RNF207: variants seen among roughly 807,000 people sequenced by gnomAD.
RNF207 encodes the protein OTTHUMG00000001089.
RNF207 carries 72 observed loss-of-function variants against 79.0 expected under a neutral mutation model. That is an observed-to-expected ratio of 0.91 (90% CI 0.75 to 1.11). The LOEUF (loss-of-function observed/expected upper bound fraction) is 1.11. Among genes scored for constraint, RNF207 ranks in the 50% least tolerant of loss-of-function variants. The probability of loss-of-function intolerance (pLI) is 0.00; values close to 1 mark genes in which losing one functional copy is unlikely to be tolerated. For synonymous variants in RNF207, 348 were observed against 366.2 expected (o/e 0.95, Z 0.57); for missense variants, 936 against 855.8 (o/e 1.09, Z -1.17).
chr1:6,206,718 G>A lies in RNF207; in HGVS notation c.183G>A (p.Pro61=), dbSNP rs368728461. The A allele has an allele frequency of 4.9e-5, 78 of 1,600,938 alleles. No individual in the cohort carries two copies. In the African/African-American group the frequency reaches 9.2e-4, roughly 19 times the overall value. The part of the protein sequence containing the change: ...GRATDGRLTC[P]LCQHQTVLKG... ...CGACCGACGGCCGCCTCACCTGCCC[G>A]CTGTGCCAGTAAGTGTCCCAAAGTT... Residue 61 remains proline (P), a synonymous_variant, in exon 2 of 18, where the codon CCG becomes CCA. Coordinates refer to ENST00000377939, the MANE Select transcript of RNF207 (RefSeq NM_207396.3).
chr1:6,206,615 T>C lies in RNF207; in HGVS notation c.80T>C (p.Leu27Pro), dbSNP rs751372134. 6.2e-7 allele frequency: 1 copy of C among 1,607,608 alleles called. No homozygotes were observed. Among genetic ancestry groups the C allele is most frequent in the Admixed American group, 1.7e-5 (1 of 59,990 alleles). Reference sequence around the variant, plus strand: ...AGCATCCACCCGCTGGTGTGCCCGCTGTGCCACGTGCAGTACGAGCGCCCG... The same window carrying C: ...AGCATCCACCCGCTGGTGTGCCCGCCGTGCCACGTGCAGTACGAGCGCCCG... ...APSIHPLVCP[L>P]CHVQYERPCL... is the part of the protein sequence containing the mutation. The change falls in exon 2 of 18, where the codon CTG (leucine) becomes CCG (proline). Residue 27 changes from leucine to proline, a missense_variant. By Grantham distance (98) the Leu-to-Pro change is moderately conservative. Coordinates refer to ENST00000377939, the MANE Select transcript of RNF207 (RefSeq NM_207396.3).
intron 7 of RNF207, among the ~76,000 whole-genome samples, 169 bp from the exon 8 acceptor site, chr1:6,209,755 G>C (rs1668079969): frequency 6.6e-6 from 1 of 152,134 alleles, no homozygotes. Context: ...CTGGGGAGGT[G>C]ACATTTAAGG....
intron 14 of RNF207, 98 bp from the exon 15 acceptor site, chr1:6,212,584 T>G (rs1398811364): frequency 1.6e-6 from 2 of 1,287,654 alleles, no homozygotes; most frequent in African/African-American, 2.9e-5. Flanking sequence ...TGGACCTGGC[T>G]GGGGGGTGCT....
Position 6,207,749 on chromosome 1 carries a change from C to T in RNF207, c.324+238C>T. On this transcript the variant is annotated intron_variant, in intron 3 of 17. Transcript: ENST00000377939. The surrounding 1 kb of genome is among the most constrained non-coding windows in gnomAD (Gnocchi z 4.5). ...GTGGCAGAGGCTAAGGCCATTCGAT[C>T]TGGGGAGAGCTCACTGGTCCCCAAT... The T allele has an allele frequency of 1.5e-6, 1 of 681,498 alleles. No homozygotes were observed. 42.2% of individuals were successfully genotyped at this position (681,498 alleles called of 1,614,324 possible). A position where few individuals can be genotyped will look rare whatever the true frequency, so the allele number is the denominator to read the frequency against.
Position 6,206,687 on chromosome 1 carries a change from G to T in RNF207, c.152G>T (p.Gly51Val). 2 of 1,604,242 alleles carry T rather than the reference G, an allele frequency of 1.2e-6. No homozygotes were observed. The change falls in exon 2 of 18, where the codon GGC becomes GTC. Residue 51 changes from glycine (G) to valine (V), a missense_variant. Physicochemically the swap from Gly to Val is moderately radical, Grantham distance 109. Coordinates refer to ENST00000377939, the MANE Select transcript of RNF207 (RefSeq NM_207396.3). ...GACTTCTGTGCCGGCTGCCTGCGTG[G>T]CCGCGCGACCGACGGCCGCCTCACC... ...FHDFCAGCLRGRATDGRLTCP... is the reference protein window; with the variant it reads ...FHDFCAGCLRVRATDGRLTCP...
At chr1:6,213,589 G>A (rs899789728) in intron 16 of RNF207, among the ~76,000 whole-genome samples, 5 of 152,066 alleles carry the variant, frequency 3.3e-5, no homozygotes, top group East Asian at 3.9e-4. Flanking sequence ...ACAAGGTGCC[G>A]GACATTTGCA....
rs1204742074 is a variant in RNF207 at position 6,211,336 on chromosome 1, T to C, written c.1109+218T>C. Reference sequence around the variant, plus strand: ...CAGGAAGCCCTGGACCTGAAGTCCATGGCAGACCGGGCTCGGAGCTTGGCT... The same window carrying C: ...CAGGAAGCCCTGGACCTGAAGTCCACGGCAGACCGGGCTCGGAGCTTGGCT... On this transcript the variant is annotated intron_variant, in intron 12 of 17. Coordinates refer to ENST00000377939, the MANE Select transcript of RNF207 (RefSeq NM_207396.3). This position sits in a 1 kb window ranked among gnomAD's most constrained non-coding sequence, Gnocchi z 4.2. Among the ~76,000 whole-genome samples the C allele has an allele frequency of 6.6e-6, 1 of 152,086 alleles. No homozygotes were observed. Among genetic ancestry groups the C allele is most frequent in the African/African-American group, 2.4e-5 (1 of 41,412 alleles).
intron 1 of RNF207, 59 bp from the exon 2 acceptor site, chr1:6,206,477 C>T: frequency 3.0e-6 from 4 of 1,334,724 alleles, no homozygotes; most frequent in African/African-American, 1.5e-5. Context: ...AGAGGGGCCG[C>T]GGGAGCTCAA....
At position 6,221,105 on chromosome 1, in the gene RNF207, AAC is replaced by A. The variant is rs1260453546; in HGVS notation, c.*1703_*1704del. The A allele has an allele frequency of 6.6e-6, 1 of 152,442 alleles. No homozygotes were observed. The highest frequency in any genetic ancestry group is 2.4e-5 in the African/African-American group (1 of 41,454). The allele number at this position is 152,442 out of a possible 1,614,324, so 9.4% of individuals were successfully genotyped here. A position where few individuals can be genotyped will look rare whatever the true frequency, so the allele number is the denominator to read the frequency against. On this transcript the variant is annotated 3_prime_UTR_variant, in exon 18 of 18. Coordinates refer to ENST00000377939, the MANE Select transcript of RNF207 (RefSeq NM_207396.3). ...ATTCAGAAAGAAATTGAGGAGGCCA[AAC>A]ACACGTCGTTTGAGGCTAAAGGCTT...
intron 16 of RNF207, among the ~76,000 whole-genome samples, chr1:6,213,483 A>T (rs1178525955): frequency 3.9e-5 from 6 of 151,906 alleles, no homozygotes; most frequent in Non-Finnish European, 7.4e-5. Context: ...AAAAAAAAAA[A>T]AAAAAACTGC....
rs1668400953 is a variant in RNF207 at position 6,217,534 on chromosome 1, A to G, written c.1653-755A>G. ...GAATGCTTGACGTCCTCCCGCAGAC[A>G]TGCTATTCCCATCTCCCCATCTCAG... On this transcript the variant is annotated intron_variant, in intron 16 of 17. Coordinates refer to ENST00000377939, the MANE Select transcript of RNF207 (RefSeq NM_207396.3). This position sits in a 1 kb window ranked among gnomAD's most constrained non-coding sequence, Gnocchi z 4.2. Among the ~76,000 whole-genome samples, 1 of 152,226 alleles carries G rather than the reference A, an allele frequency of 6.6e-6. No homozygotes were observed. The highest frequency in any genetic ancestry group is 2.4e-5 in the African/African-American group (1 of 41,458).
At position 6,211,169 on chromosome 1, in the gene RNF207, G is replaced by A. The variant is rs1390317127; in HGVS notation, c.1109+51G>A. The A allele has an allele frequency of 1.6e-6, 2 of 1,274,646 alleles. No homozygotes were observed. Among genetic ancestry groups the A allele is most frequent in the Non-Finnish European group, 2.2e-6 (2 of 919,982 alleles). The allele number at this position is 1,274,646 out of a possible 1,614,324, so 79.0% of individuals were successfully genotyped here. A position where few individuals can be genotyped will look rare whatever the true frequency, so the allele number is the denominator to read the frequency against. On this transcript the variant is annotated intron_variant, in intron 12 of 17. Transcript: ENST00000377939. The surrounding 1 kb of genome is among the most constrained non-coding windows in gnomAD (Gnocchi z 4.2). ...CACAAGGTCCCCAACACTGGGGTGT[G>A]GGGGAGGGTGGGCGCTGAGGGGCCA...
In RNF207 at chr1:6,218,313, G is replaced by A. The variant is rs769264494; in HGVS notation, c.1677G>A (p.Gln559=). 8 of 1,613,946 alleles carry A rather than the reference G, an allele frequency of 5.0e-6. No homozygotes were observed. Among genetic ancestry groups the A allele is most frequent in the African/African-American group, 2.7e-5 (2 of 74,940 alleles). Residue 559 remains glutamine, a synonymous_variant, in exon 17 of 18, where the codon CAG becomes CAA. Coordinates refer to ENST00000377939, the MANE Select transcript of RNF207 (RefSeq NM_207396.3). The part of the protein sequence containing the change: ...EPRFQAPVDE[Q]SESLQNTHDD... Reference sequence around the variant, plus strand: ...GGTTTCAGGCACCCGTGGATGAGCAGTCAGAGAGTCTACAGAACACGCACG... The same window carrying A: ...GGTTTCAGGCACCCGTGGATGAGCAATCAGAGAGTCTACAGAACACGCACG...
In RNF207 at chr1:6,211,452, G is replaced by A. The variant is rs2100933232; in HGVS notation, c.1109+334G>A. 6.6e-6 allele frequency among the ~76,000 whole-genome samples: 1 copy of A among 152,266 alleles called. No individual in the cohort carries two copies. The highest frequency in any genetic ancestry group is 2.4e-5 in the African/African-American group (1 of 41,568). ...GGGCTGGGCTGACCGCCACCTAGGT[G>A]GCCTGAGGTCATAGGGGGCCTGATT... On this transcript the variant is annotated intron_variant, in intron 12 of 17. Coordinates refer to ENST00000377939, the MANE Select transcript of RNF207 (RefSeq NM_207396.3). This position sits in a 1 kb window ranked among gnomAD's most constrained non-coding sequence, Gnocchi z 4.2.
Position 6,208,898 on chromosome 1 carries a change from C to T in RNF207, c.342C>T (p.Tyr114=), listed in dbSNP as rs564604804. ...ECSEQDVETT[Y]FCNTCGQPLC... ...GCCCGCAGGACGTGGAGACCACGTA[C>T]TTCTGCAACACGTGCGGACAGCCCC... Residue 114 remains tyrosine, a synonymous_variant, in exon 4 of 18, where the codon TAC becomes TAT. Transcript: ENST00000377939. The T allele has an allele frequency of 4.8e-4, 739 of 1,532,798 alleles. 9 individuals carry two copies. The South Asian group carries it at 6.3e-3, about 13-fold the overall frequency. 94.9% of individuals were successfully genotyped at this position (1,532,798 alleles called of 1,614,324 possible).
rs982055622 is a variant in RNF207, at chr1:6,221,112, G to A, written c.*1705G>A. 17 of 152,534 alleles carry A rather than the reference G, an allele frequency of 1.1e-4. No individual in the cohort carries two copies. The highest frequency in any genetic ancestry group is 2.9e-4 in the African/African-American group (12 of 41,548). 9.4% of individuals were successfully genotyped at this position (152,534 alleles called of 1,614,324 possible). ...AAGAAATTGAGGAGGCCAAACACAC[G>A]TCGTTTGAGGCTAAAGGCTTAAGAC... On this transcript the variant is annotated 3_prime_UTR_variant, in exon 18 of 18. Transcript: ENST00000377939.
At chr1:6,216,678 G>C (rs1335630334) in intron 16 of RNF207, among the ~76,000 whole-genome samples, 2 of 149,264 alleles carry the variant, frequency 1.3e-5, no homozygotes, top group Non-Finnish European at 3.0e-5. Context: ...CTCCTGTCTC[G>C]CCCTCACGAG....
In RNF207 at chr1:6,219,491, T is replaced by TTTTTTTA. The variant is rs1413773686; in HGVS notation, c.*97_*103dup. ...GACAGAAGGTTGTTCCCATGATGGT[T>TTTTTTTA]TTTTTTATTTTTTATTTTTGAGATG... On this transcript the variant is annotated 3_prime_UTR_variant, in exon 18 of 18. Coordinates refer to ENST00000377939, the MANE Select transcript of RNF207 (RefSeq NM_207396.3). 2.0e-6 allele frequency: 2 copies of TTTTTTTA among 1,019,686 alleles called. No individual in the cohort carries two copies. The highest frequency in any genetic ancestry group is 2.8e-6 in the Non-Finnish European group (2 of 718,914). The allele number at this position is 1,019,686 out of a possible 1,614,324, so 63.2% of individuals were successfully genotyped here. A position where few individuals can be genotyped will look rare whatever the true frequency, so the allele number is the denominator to read the frequency against.
rs1557586796 is a variant in RNF207 at position 6,210,442 on chromosome 1, A to G, written c.942+4A>G. 1 of 1,611,606 alleles carries G rather than the reference A, an allele frequency of 6.2e-7. No homozygotes were observed. The highest frequency in any genetic ancestry group is 8.5e-7 in the Non-Finnish European group (1 of 1,179,034). On this transcript the variant is annotated splice_donor_region_variant and intron_variant, in intron 10 of 17. Transcript: ENST00000377939. ...TGAGTTCCTGGACCTGGGCTATGTG[A>G]GTCTCCTCTGCTCCTGCAGATGCCC...
Sources: gnomAD v4.1 joint callset for allele counts (sites outside exome capture counted in the v4.1 genomes callset) on GRCh38, gnomAD v4.1.1 for gene constraint, Gnocchi (gnomAD v3.1) non-coding constraint, MANE v1.5 for transcripts, NCBI Gene and HGNC (gene_info 2026-07-23, HGNC 2026-07-21) for gene names.